NPAS3: variants seen among roughly 807,000 people sequenced by gnomAD.
NPAS3 encodes neuronal PAS domain protein 3, also known as neuronal PAS domain-containing protein 3.
Under a neutral mutation model 73.1 loss-of-function variants are expected in NPAS3, and 14 were observed. That is an observed-to-expected ratio of 0.19 (90% CI 0.13 to 0.30). The LOEUF (loss-of-function observed/expected upper bound fraction) is 0.30. Ranked by LOEUF, NPAS3 falls within the 10% of genes least tolerant of loss-of-function variation. The pLI is 1.00. For missense variants in NPAS3, 1,096 were observed against 1,250.0 expected, an observed-to-expected ratio of 0.88 and a Z score of 1.86; for synonymous variants, 620 against 541.5, an observed-to-expected ratio of 1.14 and a Z score of -2.01.
At chr14:33,146,715 A>G (rs1195439241) in intron 2 of NPAS3, among the ~76,000 whole-genome samples, 3 of 152,188 alleles carry the variant, frequency 2.0e-5, no homozygotes, top group African/African-American at 7.2e-5. Flanking sequence ...AGACACCTAA[A>G]CATGCCTTAG....
At chr14:33,163,117 A>G (rs577341610) in intron 2 of NPAS3, among the ~76,000 whole-genome samples, 1 of 152,178 alleles carries the variant, frequency 6.6e-6, no homozygotes, top group Non-Finnish European at 1.5e-5. Flanking sequence ...CCCCTCATTC[A>G]TTATTTAATC....
At chr14:33,750,567 A>C (rs1475038147) in intron 7 of NPAS3, among the ~76,000 whole-genome samples, 2 of 148,500 alleles carry the variant, frequency 1.3e-5, no homozygotes, top group Admixed American at 6.6e-5. Flanking sequence ...ATGCTTTCTC[A>C]GTTTGTAATA....
chr14:33,257,111 T>C (rs1426790408), intron 3 of NPAS3, among the ~76,000 whole-genome samples: 1 of 152,202 alleles, frequency 6.6e-6, no homozygotes, highest in African/African-American at 2.4e-5. Flanking sequence ...ATGATTGTTT[T>C]CCTGGTAGCC....
chr14:33,675,443 G>A (rs1463702261), intron 5 of NPAS3, among the ~76,000 whole-genome samples: 2 of 151,740 alleles, frequency 1.3e-5, no homozygotes, highest in Non-Finnish European at 2.9e-5. Context: ...TGCCTTTAGA[G>A]TTAGTTAGAG....
At chr14:33,538,144 T>C (rs1208926274) in intron 4 of NPAS3, among the ~76,000 whole-genome samples, 2 of 152,156 alleles carry the variant, frequency 1.3e-5, no homozygotes, top group African/African-American at 2.4e-5. Flanking sequence ...TGTATGTAGG[T>C]ACTGTCATGG....
chr14:33,418,851 T>A (rs769596551), intron 4 of NPAS3, among the ~76,000 whole-genome samples: 21 of 151,978 alleles, frequency 1.4e-4, no homozygotes, highest in Non-Finnish European at 2.6e-4. Flanking sequence ...TCCTACTATA[T>A]GCAAATCAGT....
chr14:32,978,823 A>G (rs986052931), intron 1 of NPAS3, among the ~76,000 whole-genome samples: 3 of 152,176 alleles, frequency 2.0e-5, no homozygotes, highest in African/African-American at 7.2e-5. Flanking sequence ...TCTCTCCCTT[A>G]TGACAGTGTC....
intron 2 of NPAS3, among the ~76,000 whole-genome samples, chr14:33,091,672 A>G (rs977448466): frequency 9.9e-5 from 15 of 152,260 alleles, no homozygotes; most frequent in Admixed American, 4.6e-4. Context: ...CAACAAAAAA[A>G]GAGAATTTTA....
chr14:32,938,459 G>GAGAGAGAGAGAGAGAGAGAAAT (rs2139013181), upstream of NPAS3, among the ~76,000 whole-genome samples: 1 of 85,532 alleles, frequency 1.2e-5, no homozygotes, highest in South Asian at 4.0e-4. Context: ...CAACGAGAAA[G>GAGAGAGAGAGAGAGAGAGAAAT]AGAGAGAGAG....
At chr14:33,273,329 G>T (rs920809214) in intron 3 of NPAS3, among the ~76,000 whole-genome samples, 1 of 152,136 alleles carries the variant, frequency 6.6e-6, no homozygotes, top group Non-Finnish European at 1.5e-5. Context: ...ACCTTTCTCT[G>T]TAGGTCTCTT....
intron 1 of NPAS3, among the ~76,000 whole-genome samples, chr14:32,990,129 G>A (rs1384506954): frequency 1.3e-5 from 2 of 152,202 alleles, no homozygotes; most frequent in African/African-American, 4.8e-5. Context: ...AGAAGATCAT[G>A]AGTCCTATTT....
chr14:33,089,500 GA>G (rs1314781428), intron 2 of NPAS3, among the ~76,000 whole-genome samples: 4 of 152,176 alleles, frequency 2.6e-5, no homozygotes, highest in Non-Finnish European at 5.9e-5. Flanking sequence ...GGGACTATGT[GA>G]AAAGGCCAAA....
In NPAS3 at chr14:33,793,222, G is replaced by A. The variant is rs781539572; in HGVS notation, c.1154-675G>A. 1.3e-5 allele frequency among the ~76,000 whole-genome samples: 2 copies of A among 152,274 alleles called. 1 individual carries two copies. The highest frequency in any genetic ancestry group is 2.9e-5 in the Non-Finnish European group (2 of 68,010). ...AGAGTCTGTGTGGAGCTGTCACTCT[G>A]TTTGGCTCCAGCCAAGTCAATTCTG... On this transcript the variant is annotated intron_variant, in intron 9 of 11. Transcript: ENST00000356141.
intron 2 of NPAS3, among the ~76,000 whole-genome samples, chr14:33,106,488 A>T (rs2042725154): frequency 1.3e-5 from 2 of 152,166 alleles, no homozygotes; most frequent in African/African-American, 2.4e-5. Flanking sequence ...TTTTTTGTGA[A>T]TCAGAATACA....
intron 4 of NPAS3, among the ~76,000 whole-genome samples, chr14:33,382,127 T>C (rs1411524388): frequency 6.6e-6 from 1 of 152,148 alleles, no homozygotes; most frequent in Non-Finnish European, 1.5e-5. Flanking sequence ...CAAAGTCATT[T>C]TCCCCCCAAA....
intron 4 of NPAS3, among the ~76,000 whole-genome samples, chr14:33,400,509 G>A (rs1002904089): frequency 3.3e-5 from 5 of 152,106 alleles, no homozygotes; most frequent in African/African-American, 1.2e-4. Flanking sequence ...CTGGTGGTTG[G>A]TCAGAAAATT....
At chr14:33,295,394 G>A (rs1440870913) in intron 3 of NPAS3, among the ~76,000 whole-genome samples, 2 of 152,184 alleles carry the variant, frequency 1.3e-5, no homozygotes, top group East Asian at 3.8e-4. Flanking sequence ...CTGCCACTGT[G>A]TACTCCGCAT....
intron 6 of NPAS3, among the ~76,000 whole-genome samples, chr14:33,728,520 A>G (rs929360607): frequency 6.6e-6 from 1 of 152,208 alleles, no homozygotes; most frequent in East Asian, 1.9e-4. Context: ...ATTGAAGCTG[A>G]TAAAGTCTGA....
chr14:33,174,167 C>G (rs2139397244), intron 2 of NPAS3, among the ~76,000 whole-genome samples: 1 of 152,270 alleles, frequency 6.6e-6, no homozygotes. Context: ...TCATTTTGGA[C>G]AGTAGTCTCT....
Sources: allele counts gnomAD v4.1 joint callset (sites outside exome capture counted in the v4.1 genomes callset), GRCh38; gene constraint gnomAD v4.1.1; transcripts MANE v1.5; gene names NCBI Gene and HGNC (gene_info 2026-07-23, HGNC 2026-07-21).